INSYN2A: variants seen among roughly 807,000 people sequenced by gnomAD.
INSYN2A encodes inhibitory synaptic factor 2A.
A neutral mutation model predicts 39.4 loss-of-function variants in INSYN2A; 17 were observed. The ratio of observed to expected loss-of-function variants is 0.43; its 90% CI spans 0.30 to 0.65. The LOEUF (loss-of-function observed/expected upper bound fraction) is 0.65, where lower values mean the gene tolerates loss of function less well. Among genes scored for constraint, INSYN2A ranks in the 30% least tolerant of loss-of-function variants. INSYN2A has a pLI of 0.14. For missense variants in INSYN2A, 595 were observed against 631.2 expected (o/e 0.94, Z 0.61); for synonymous variants, 255 against 265.7 (o/e 0.96, Z 0.39).
chr10:127,190,678 C>CTG (rs1356252784), intron 2 of INSYN2A, among the ~76,000 whole-genome samples: 1 of 69,444 alleles, frequency 1.4e-5, no homozygotes, highest in African/African-American at 5.9e-5. Context: ...CCCCCCCCCC[C>CTG]CCCCCGTTCC....
At chr10:127,173,171 A>G (rs1253700872) in intron 4 of INSYN2A, among the ~76,000 whole-genome samples, 2 of 152,158 alleles carry the variant, frequency 1.3e-5, no homozygotes, top group East Asian at 1.9e-4. Flanking sequence ...CCACTAGTGG[A>G]CATCTACCCA....
At chr10:127,173,525 T>G (rs2054778495) in intron 4 of INSYN2A, among the ~76,000 whole-genome samples, 1 of 152,210 alleles carries the variant, frequency 6.6e-6, no homozygotes, top group South Asian at 2.1e-4. Flanking sequence ...GGTTCTTCTT[T>G]GGGCACACAC....
In INSYN2A at chr10:127,137,676, A is replaced by G; in HGVS notation, c.*161T>C. ...GACACAGAATACCTTGCTTCTGTTA[A>G]TTATCTATTGGTACAAAGGCCTTTT... On this transcript the variant is annotated 3_prime_UTR_variant, in exon 6 of 6. Coordinates refer to ENST00000522781, the MANE Select transcript of INSYN2A (RefSeq NM_001039762.3). The G allele has an allele frequency of 1.8e-6, 1 of 568,572 alleles. No individual in the cohort carries two copies. Among genetic ancestry groups the G allele is most frequent in the South Asian group, 3.1e-5 (1 of 32,186 alleles). The allele number at this position is 568,572 out of a possible 1,614,324, so 35.2% of individuals were successfully genotyped here. A position where few individuals can be genotyped will look rare whatever the true frequency, so the allele number is the denominator to read the frequency against.
chr10:127,169,522 C>A (rs2054371833), intron 4 of INSYN2A, among the ~76,000 whole-genome samples: 1 of 152,148 alleles, frequency 6.6e-6, no homozygotes, highest in Non-Finnish European at 1.5e-5. Flanking sequence ...TATCAGGAGT[C>A]CATAACCTAT....
intron 4 of INSYN2A, among the ~76,000 whole-genome samples, chr10:127,159,962 TA>T (rs1454835101): frequency 6.6e-6 from 1 of 151,988 alleles, no homozygotes; most frequent in Non-Finnish European, 1.5e-5. Context: ...CCCTGGGTGT[TA>T]GGAAGGGTGT....
At chr10:127,138,290 A>G (rs1333851313) in intron 5 of INSYN2A, among the ~76,000 whole-genome samples, 1 of 152,178 alleles carries the variant, frequency 6.6e-6, no homozygotes, top group African/African-American at 2.4e-5. Flanking sequence ...GTATTTGTGG[A>G]AATGAAAAAT....
rs1358604843 is a variant in INSYN2A at position 127,136,309 on chromosome 10, A to G, written c.*1528T>C. The G allele has an allele frequency of 2.0e-5, 3 of 152,196 alleles. No individual in the cohort carries two copies. The highest frequency in any genetic ancestry group is 7.2e-5 in the African/African-American group (3 of 41,446). The allele number at this position is 152,196 out of a possible 1,614,324, so 9.4% of individuals were successfully genotyped here. A position where few individuals can be genotyped will look rare whatever the true frequency, so the allele number is the denominator to read the frequency against. On this transcript the variant is annotated 3_prime_UTR_variant, in exon 6 of 6. Coordinates refer to ENST00000522781, the MANE Select transcript of INSYN2A (RefSeq NM_001039762.3). The stretch of plus-strand genomic sequence containing the variant: ...AAATACATGGCAAGAAGCAGCTCCA[A>G]TCTGACAAAAGCAGGTGAGATCCTT...
At position 127,196,439 on chromosome 10, in the gene INSYN2A, G is replaced by A. The variant is rs1271849759; in HGVS notation, c.-837C>T. Reference sequence around the variant, plus strand: ...GATCTCAGAGCCAGGGCCAGGAGGCGGGGGCGGGGCAGAGGAGGGAGCAGG... The same window carrying A: ...GATCTCAGAGCCAGGGCCAGGAGGCAGGGGCGGGGCAGAGGAGGGAGCAGG... On this transcript the variant is annotated 5_prime_UTR_variant, in exon 1 of 6. Coordinates refer to ENST00000522781, the MANE Select transcript of INSYN2A (RefSeq NM_001039762.3). 6.7e-6 allele frequency among the ~76,000 whole-genome samples: 1 copy of A among 148,826 alleles called. No homozygotes were observed. The highest frequency in any genetic ancestry group is 2.0e-4 in the East Asian group (1 of 5,120).
chr10:127,167,352 T>C (rs1248304736), intron 4 of INSYN2A, among the ~76,000 whole-genome samples: 3 of 152,120 alleles, frequency 2.0e-5, no homozygotes, highest in African/African-American at 7.2e-5. Flanking sequence ...CTGAAAACAA[T>C]TCAAAGGATT....
intron 4 of INSYN2A, among the ~76,000 whole-genome samples, chr10:127,174,884 A>G (rs779532101): frequency 6.6e-6 from 1 of 152,174 alleles, no homozygotes; most frequent in African/African-American, 2.4e-5. Flanking sequence ...TTGGACTGGC[A>G]TATGTTGTTA....
At chr10:127,165,093 CT>C (rs552779686) in intron 4 of INSYN2A, among the ~76,000 whole-genome samples, 42 of 152,232 alleles carry the variant, frequency 2.8e-4, no homozygotes, top group Non-Finnish European at 5.4e-4. Context: ...CCAAATTTTC[CT>C]TCAGGACTCC....
chr10:127,170,739 C>G (rs1365707231), intron 4 of INSYN2A, among the ~76,000 whole-genome samples: 1 of 152,114 alleles, frequency 6.6e-6, no homozygotes, highest in African/African-American at 2.4e-5. Flanking sequence ...AATCCACTGT[C>G]CCATTTGCCT....
chr10:127,168,632 C>T (rs753242373), intron 4 of INSYN2A, among the ~76,000 whole-genome samples: 11 of 152,206 alleles, frequency 7.2e-5, no homozygotes, highest in Non-Finnish European at 1.3e-4. Context: ...ACTTTGATCT[C>T]TATTAAGTGG....
chr10:127,165,372 C>G (rs1196436964), intron 4 of INSYN2A, among the ~76,000 whole-genome samples: 1 of 152,170 alleles, frequency 6.6e-6, no homozygotes, highest in Non-Finnish European at 1.5e-5. Flanking sequence ...AGACTAAAAT[C>G]TTGAAATTTT....
intron 4 of INSYN2A, among the ~76,000 whole-genome samples, chr10:127,166,190 C>A (rs1245140067): frequency 6.6e-6 from 1 of 152,172 alleles, no homozygotes; most frequent in East Asian, 1.9e-4. Context: ...CTCAGCCCCC[C>A]AAGTAGCTGG....
intron 4 of INSYN2A, among the ~76,000 whole-genome samples, chr10:127,167,387 C>T (rs926615330): frequency 1.2e-4 from 18 of 152,258 alleles, no homozygotes; most frequent in Admixed American, 9.8e-4. Flanking sequence ...CAGAGACCAA[C>T]TCTAGCATTT....
At chr10:127,146,789 G>A (rs2051902151) in intron 5 of INSYN2A, among the ~76,000 whole-genome samples, 1 of 152,200 alleles carries the variant, frequency 6.6e-6, no homozygotes, top group Admixed American at 6.5e-5. Flanking sequence ...GACAAAGGCT[G>A]CAGAGACTCC....
chr10:127,176,360 T>A lies in INSYN2A; in HGVS notation c.36A>T (p.Thr12=), dbSNP rs770823920. 3.1e-6 allele frequency: 5 copies of A among 1,612,772 alleles called. No individual in the cohort carries two copies. The Admixed American group carries it at 6.7e-5, about 22-fold the overall frequency. Residue 12 remains threonine (T), a synonymous_variant, in exon 4 of 6, where the codon ACA becomes ACT. Coordinates refer to ENST00000522781, the MANE Select transcript of INSYN2A (RefSeq NM_001039762.3). The surrounding 1 kb of genome is among the most constrained non-coding windows in gnomAD (Gnocchi z 4.4). The stretch of plus-strand genomic sequence containing the variant: ...CGGGTTCCACTTCACTCTCCGACGT[T>A]GTGAGTATGCATTTGCCGGTGTCCT... The part of the protein sequence containing the change: ...VSKDTGKCIL[T]TSESEVEPAA...
chr10:127,192,334 G>A lies in INSYN2A; in HGVS notation c.-269+271C>T, dbSNP rs117153145. Among the ~76,000 whole-genome samples, 33 of 152,314 alleles carry A rather than the reference G, an allele frequency of 2.2e-4. No homozygotes were observed. In the East Asian group the frequency reaches 6.2e-3, roughly 29 times the overall value. On this transcript the variant is annotated intron_variant, in intron 2 of 5. Coordinates refer to ENST00000522781, the MANE Select transcript of INSYN2A (RefSeq NM_001039762.3). ...TGTTGTTAGCCAAAAGGTTTATAGAGTAATTTAGAATCATAATTCCTGCTT... is the reference window on the plus strand; with the variant it reads ...TGTTGTTAGCCAAAAGGTTTATAGAATAATTTAGAATCATAATTCCTGCTT...
Sources: allele counts gnomAD v4.1 joint callset (sites outside exome capture counted in the v4.1 genomes callset), GRCh38; gene constraint gnomAD v4.1.1; non-coding constraint Gnocchi (gnomAD v3.1); transcripts MANE v1.5; gene names NCBI Gene and HGNC (gene_info 2026-07-23, HGNC 2026-07-21).